Variants in UGT2B17 observed in about 807,000 individuals in gnomAD.
UGT2B17 encodes the protein UDP glucuronosyltransferase family 2 member B17, also known as UDP-glucuronosyltransferase 2B17.
In UGT2B17, 21 loss-of-function variants were observed where a neutral mutation model predicts 48.2. The ratio of observed to expected loss-of-function variants is 0.44; its 90% CI spans 0.31 to 0.63. The LOEUF (loss-of-function observed/expected upper bound fraction) is 0.63, where lower values mean the gene tolerates loss of function less well. Among genes scored for constraint, UGT2B17 ranks in the 20% least tolerant of loss-of-function variants. The pLI is 0.08. For synonymous variants in UGT2B17, 146 were observed against 238.4 expected, an observed-to-expected ratio of 0.61 and a Z score of 3.57; for missense variants, 402 against 696.1, an observed-to-expected ratio of 0.58 and a Z score of 4.75.
Position 68,545,801 on chromosome 4 carries a change from C to T in UGT2B17, c.1313+4876G>A, listed in dbSNP as rs1312376717. Among the ~76,000 whole-genome samples the T allele has an allele frequency of 6.1e-4, 77 of 125,740 alleles. 20 individuals are homozygous for T. The highest frequency in any genetic ancestry group is 3.3e-4 in the Admixed American group (4 of 12,274). The allele number at this position is 125,740 out of a possible 152,430, so 82.5% of individuals were successfully genotyped here. A position where few individuals can be genotyped will look rare whatever the true frequency, so the allele number is the denominator to read the frequency against. On this transcript the variant is annotated intron_variant, in intron 6 of 6. Coordinates refer to ENST00000317746, the MANE Select transcript of UGT2B17 (RefSeq NM_001077.4). The stretch of plus-strand genomic sequence containing the variant: ...TCAGAGAATACTATAAACACCTCTA[C>T]GCAAATAAACTAGAAAATCAAGAAG...
At position 68,549,649 on chromosome 4, in the gene UGT2B17, A is replaced by G. The variant is rs765872312; in HGVS notation, c.1313+1028T>C. On this transcript the variant is annotated intron_variant, in intron 6 of 6. Transcript: ENST00000317746. ...GGCTGTAATAGAAAGACAGGTGATAACAAGTGTTGGGAAGAGTGTGAAGAA... is the reference window on the plus strand; with the variant it reads ...GGCTGTAATAGAAAGACAGGTGATAGCAAGTGTTGGGAAGAGTGTGAAGAA... Among the ~76,000 whole-genome samples the G allele has an allele frequency of 5.9e-4, 74 of 125,614 alleles. 19 individuals are homozygous for G. The highest frequency in any genetic ancestry group is 1.2e-3 in the Non-Finnish European group (70 of 59,258). 82.4% of individuals were successfully genotyped at this position (125,614 alleles called of 152,430 possible).
In UGT2B17 at chr4:68,540,609, G is replaced by C. The variant is rs1285972528; in HGVS notation, c.1314-2705C>G. The stretch of plus-strand genomic sequence containing the variant: ...CAAAGTGCTGGGATTACAGGCTTGA[G>C]CCACCACATCTGGTCGGTTCACATT... On this transcript the variant is annotated intron_variant, in intron 6 of 6. Coordinates refer to ENST00000317746, the MANE Select transcript of UGT2B17 (RefSeq NM_001077.4). Among the ~76,000 whole-genome samples, 2 of 127,092 alleles carry C rather than the reference G, an allele frequency of 1.6e-5. 1 individual carries two copies. Among genetic ancestry groups the C allele is most frequent in the Non-Finnish European group, 3.3e-5 (2 of 59,738 alleles). 83.4% of individuals were successfully genotyped at this position (127,092 alleles called of 152,430 possible). A position where few individuals can be genotyped will look rare whatever the true frequency, so the allele number is the denominator to read the frequency against.
In UGT2B17 at chr4:68,540,561, G is replaced by A. The variant is rs151292923; in HGVS notation, c.1314-2657C>T. 3.3e-3 allele frequency among the ~76,000 whole-genome samples: 424 copies of A among 126,774 alleles called. 86 individuals are homozygous for A. Among genetic ancestry groups the A allele is most frequent in the African/African-American group, 0.011 (415 of 37,210 alleles). 83.2% of individuals were successfully genotyped at this position (126,774 alleles called of 152,430 possible). On this transcript the variant is annotated intron_variant, in intron 6 of 6. Coordinates refer to ENST00000317746, the MANE Select transcript of UGT2B17 (RefSeq NM_001077.4). ...AGTATGGTCTCGATCTCTTGACCTC[G>A]TGATCTGCCCTCCTCAGCCACCCAA... is the stretch of plus-strand genomic sequence containing the variant.
chr4:68,566,314 T>C (rs1731201556), intron 2 of UGT2B17, among the ~76,000 whole-genome samples: 1 of 122,934 alleles, frequency 8.1e-6, no homozygotes, highest in Admixed American at 8.6e-5. Flanking sequence ...ATCACATCTT[T>C]AATGTAACAT....
Position 68,559,301 on chromosome 4 carries a change from A to T in UGT2B17, c.1005+1236T>A, listed in dbSNP as rs188123041. 2.8e-3 allele frequency among the ~76,000 whole-genome samples: 354 copies of T among 126,144 alleles called. 62 individuals carry two copies. Among genetic ancestry groups the T allele is most frequent in the African/African-American group, 9.3e-3 (343 of 37,060 alleles). The allele number at this position is 126,144 out of a possible 152,430, so 82.8% of individuals were successfully genotyped here. A position where few individuals can be genotyped will look rare whatever the true frequency, so the allele number is the denominator to read the frequency against. On this transcript the variant is annotated intron_variant, in intron 4 of 6. Coordinates refer to ENST00000317746, the MANE Select transcript of UGT2B17 (RefSeq NM_001077.4). Reference sequence around the variant, plus strand: ...AATTCAGACTATTATCAGTATTGCTACTTTTGTAAATGCTAACAATGTAGG... The same window carrying T: ...AATTCAGACTATTATCAGTATTGCTTCTTTTGTAAATGCTAACAATGTAGG...
At position 68,567,825 on chromosome 4, in the gene UGT2B17, A is replaced by G; in HGVS notation, c.660T>C (p.Tyr220=). ...ERIKNMIYML[Y]FDFWFQAYDL... The stretch of plus-strand genomic sequence containing the variant: ...CATATGCTTGAAACCAAAAGTCAAA[A>G]TAAAGCATATATATCATATTTTTTA... Residue 220 remains tyrosine (Y), a synonymous_variant, in exon 2 of 7, where the codon TAT becomes TAC. Coordinates refer to ENST00000317746, the MANE Select transcript of UGT2B17 (RefSeq NM_001077.4). The G allele has an allele frequency of 7.3e-7, 1 of 1,368,744 alleles. No homozygotes were observed. The highest frequency in any genetic ancestry group is 2.2e-5 in the Admixed American group (1 of 46,052). 84.8% of individuals were successfully genotyped at this position (1,368,744 alleles called of 1,614,324 possible).
Position 68,537,677 on chromosome 4 carries a change from A to C in UGT2B17, c.1541T>G (p.Leu514Arg). ...TMIFMITKCC[L>R]FCFRKLAKTG... ...TTTGGCAAGCTTTCGGAAACAAAAC[A>C]GGCAACATTTTGTGATCATAAATAT... Residue 514 changes from leucine to arginine, a missense_variant, in exon 7 of 7, where the codon CTG (leucine) becomes CGG (arginine). Around this residue, in one of 5 missense-constraint regions of UGT2B17, gnomAD observed 156 missense variants for 258.6 expected, o/e 0.60. Transcript: ENST00000317746. 2 of 1,377,830 alleles carry C rather than the reference A, an allele frequency of 1.5e-6. 1 individual carries two copies. Among genetic ancestry groups the C allele is most frequent in the Non-Finnish European group, 1.9e-6 (2 of 1,053,948 alleles). The allele number at this position is 1,377,830 out of a possible 1,614,324, so 85.4% of individuals were successfully genotyped here.
At position 68,544,875 on chromosome 4, in the gene UGT2B17, C is replaced by A. The variant is rs1428797125; in HGVS notation, c.1313+5802G>T. Among the ~76,000 whole-genome samples, 2 of 126,316 alleles carry A rather than the reference C, an allele frequency of 1.6e-5. 1 individual carries two copies. The highest frequency in any genetic ancestry group is 5.4e-5 in the African/African-American group (2 of 37,016). The allele number at this position is 126,316 out of a possible 152,430, so 82.9% of individuals were successfully genotyped here. On this transcript the variant is annotated intron_variant, in intron 6 of 6. Transcript: ENST00000317746. ...TTACATAATGGTAAAGGGATCAATT[C>A]AACAAGAAGAGCTAACTATCCTAAA...
In UGT2B17 at chr4:68,538,049, G is replaced by T; in HGVS notation, c.1314-145C>A. 7.9e-6 allele frequency: 5 copies of T among 634,788 alleles called. 2 individuals carry two copies. Among genetic ancestry groups the T allele is most frequent in the Non-Finnish European group, 1.1e-5 (5 of 474,048 alleles). The allele number at this position is 634,788 out of a possible 1,614,324, so 39.3% of individuals were successfully genotyped here. On this transcript the variant is annotated intron_variant, in intron 6 of 6. Transcript: ENST00000317746. ...TGACATAAAATATTAATGTTTTAAT[G>T]TATGTCATTACAGAAAGTTTGGTTT...
chr4:68,555,615 C>A (rs1730986919), intron 4 of UGT2B17, among the ~76,000 whole-genome samples: 1 of 125,382 alleles, frequency 8.0e-6, no homozygotes, highest in Middle Eastern at 4.0e-3. Context: ...ATGATGACTA[C>A]CACACTTTTC....
At position 68,566,405 on chromosome 4, in the gene UGT2B17, C is replaced by T. The variant is rs1250625412; in HGVS notation, c.725-685G>A. ...TGTCCCCACCCAAATCTCCTCTCAT[C>T]TTGAATTATAATCCCCATAATCCCC... On this transcript the variant is annotated intron_variant, in intron 2 of 6. Coordinates refer to ENST00000317746, the MANE Select transcript of UGT2B17 (RefSeq NM_001077.4). 2.6e-5 allele frequency among the ~76,000 whole-genome samples: 3 copies of T among 117,584 alleles called. 1 individual carries two copies. Among genetic ancestry groups the T allele is most frequent in the Non-Finnish European group, 1.7e-5 (1 of 57,172 alleles). 77.1% of individuals were successfully genotyped at this position (117,584 alleles called of 152,430 possible). A position where few individuals can be genotyped will look rare whatever the true frequency, so the allele number is the denominator to read the frequency against.
chr4:68,551,319 T>A (rs1189817290), intron 5 of UGT2B17, among the ~76,000 whole-genome samples: 2 of 124,586 alleles, frequency 1.6e-5, no homozygotes, highest in Non-Finnish European at 3.4e-5. Flanking sequence ...ATACTTAAAT[T>A]TTTTTTTAAA....
At chr4:68,560,884 G>A (rs1325096365) in intron 3 of UGT2B17, among the ~76,000 whole-genome samples, 16 of 126,112 alleles carry the variant, frequency 1.3e-4, no homozygotes, top group African/African-American at 3.5e-4. Context: ...GCATATGCAT[G>A]TATGTATGTG....
rs1730636010 is a variant in UGT2B17 at position 68,540,505 on chromosome 4, G to A, written c.1314-2601C>T. Among the ~76,000 whole-genome samples the A allele has an allele frequency of 1.6e-5, 2 of 126,180 alleles. 1 individual carries two copies. Among genetic ancestry groups the A allele is most frequent in the South Asian group, 7.4e-4 (2 of 2,704 alleles). The allele number at this position is 126,180 out of a possible 152,430, so 82.8% of individuals were successfully genotyped here. A position where few individuals can be genotyped will look rare whatever the true frequency, so the allele number is the denominator to read the frequency against. On this transcript the variant is annotated intron_variant, in intron 6 of 6. Coordinates refer to ENST00000317746, the MANE Select transcript of UGT2B17 (RefSeq NM_001077.4). The stretch of plus-strand genomic sequence containing the variant: ...TGCCTAGCTAATTTTTGTATTTTTA[G>A]TAGAGACAGGGTTTCACTATGTTGG...
At chr4:68,560,887 T>C (rs1731090933) in intron 3 of UGT2B17, among the ~76,000 whole-genome samples, 2 of 125,994 alleles carry the variant, frequency 1.6e-5, no homozygotes. Flanking sequence ...TATGCATGTA[T>C]GTATGTGTGT....
At chr4:68,551,714 T>A in intron 5 of UGT2B17, 110 bp downstream of exon 5, 1 of 784,436 alleles carries the variant, frequency 1.3e-6, no homozygotes, top group Non-Finnish European at 1.7e-6. Flanking sequence ...ATTTGATTTT[T>A]TTTTAGTTTT....
Position 68,551,757 on chromosome 4 carries a change from G to T in UGT2B17, c.1093+67C>A. 6.9e-6 allele frequency: 7 copies of T among 1,012,868 alleles called. 1 individual carries two copies. Among genetic ancestry groups the T allele is most frequent in the Non-Finnish European group, 6.5e-6 (5 of 764,504 alleles). 62.7% of individuals were successfully genotyped at this position (1,012,868 alleles called of 1,614,324 possible). ...TAAATGTTAAATATGTTTGTTTTAT[G>T]TTGAAATATTATCACTTCTAATTGG... is the stretch of plus-strand genomic sequence containing the variant. On this transcript the variant is annotated intron_variant, in intron 5 of 6. Coordinates refer to ENST00000317746, the MANE Select transcript of UGT2B17 (RefSeq NM_001077.4).
chr4:68,542,249 C>T lies in UGT2B17; in HGVS notation c.1314-4345G>A, dbSNP rs1359606432. Among the ~76,000 whole-genome samples the T allele has an allele frequency of 3.2e-5, 4 of 126,320 alleles. 1 individual carries two copies. Among genetic ancestry groups the T allele is most frequent in the African/African-American group, 1.1e-4 (4 of 36,924 alleles). 82.9% of individuals were successfully genotyped at this position (126,320 alleles called of 152,430 possible). A position where few individuals can be genotyped will look rare whatever the true frequency, so the allele number is the denominator to read the frequency against. On this transcript the variant is annotated intron_variant, in intron 6 of 6. Transcript: ENST00000317746. ...TCAATACATCTTTTTGGTACCAGTA[C>T]CATTCTGTTTTGGTTATGTAGCCTA...
chr4:68,538,915 T>C lies in UGT2B17; in HGVS notation c.1314-1011A>G, dbSNP rs149370313. Among the ~76,000 whole-genome samples the C allele has an allele frequency of 7.7e-4, 97 of 125,828 alleles. 16 individuals are homozygous for C. The highest frequency in any genetic ancestry group is 2.6e-3 in the African/African-American group (96 of 36,920). The allele number at this position is 125,828 out of a possible 152,430, so 82.5% of individuals were successfully genotyped here. A position where few individuals can be genotyped will look rare whatever the true frequency, so the allele number is the denominator to read the frequency against. The stretch of plus-strand genomic sequence containing the variant: ...CGTGTCTCTCTCATTGAGCATTCTT[T>C]CTTGCAACTACTTGAGGTTTGCTTC... On this transcript the variant is annotated intron_variant, in intron 6 of 6. Transcript: ENST00000317746.
Sources: gnomAD v4.1 joint callset for allele counts (sites outside exome capture counted in the v4.1 genomes callset) on GRCh38, gnomAD v4.1.1 for gene constraint, gnomAD v4.1.1 regional missense constraint, MANE v1.5 for transcripts, NCBI Gene and HGNC (gene_info 2026-07-23, HGNC 2026-07-21) for gene names.